SLC36A1: variants seen among roughly 807,000 people sequenced by gnomAD.
The protein encoded by SLC36A1 is proton-coupled amino acid transporter 1.
SLC36A1 carries 30 observed loss-of-function variants against 47.5 expected under a neutral mutation model. The observed-to-expected ratio is 0.63, with a 90% CI of 0.47 to 0.86. The LOEUF (loss-of-function observed/expected upper bound fraction) is 0.86, where lower values mean the gene tolerates loss of function less well. SLC36A1 is among the 40% of genes least tolerant of loss of function. The pLI is 0.00. For synonymous variants in SLC36A1, 255 were observed against 249.7 expected (o/e 1.02, Z -0.20); for missense variants, 517 against 606.0 (o/e 0.85, Z 1.54).
At chr5:151,553,251 G>A in the SLC36A1 span, 70 of 1,614,128 alleles carry the variant, frequency 4.3e-5, 1 homozygote, top group South Asian at 3.3e-4. Context: ...CACAGGGTCC[G>A]TCTCCATGAC....
chr5:151,437,275 C>T (rs1020487049), intron 1 of SLC36A1: 2 of 152,184 alleles, frequency 1.3e-5, no homozygotes, highest in Non-Finnish European at 1.5e-5. Flanking sequence ...GCCCAATAAG[C>T]TCTTGAAGTT....
the SLC36A1 span, among the ~76,000 whole-genome samples, chr5:151,553,747 GCACT>G: frequency 2.0e-5 from 3 of 152,206 alleles, no homozygotes; most frequent in Non-Finnish European, 4.4e-5. Context: ...AATTTATTGA[GCACT>G]CACTATTATC....
chr5:151,555,119 CAGAGTG>C, the SLC36A1 span, among the ~76,000 whole-genome samples: 2 of 152,136 alleles, frequency 1.3e-5, no homozygotes, highest in African/African-American at 4.8e-5. Context: ...CAATGAAATC[CAGAGTG>C]AGAAAAGGCC....
At chr5:151,466,128 TG>T (rs1278378917) in intron 5 of SLC36A1, among the ~76,000 whole-genome samples, 1 of 152,200 alleles carries the variant, frequency 6.6e-6, no homozygotes, top group African/African-American at 2.4e-5. Context: ...CACCATGAGT[TG>T]GGTGGTTGTT....
chr5:151,444,208 C>T (rs191179667), upstream of SLC36A1, among the ~76,000 whole-genome samples: 220 of 152,118 alleles, frequency 1.4e-3, 1 homozygote, highest in African/African-American at 5.2e-3. Flanking sequence ...TAAAGAATGC[C>T]GTTGGGATTT....
chr5:151,464,539 T>C lies in SLC36A1; in HGVS notation c.260T>C (p.Ile87Thr), dbSNP rs1756051632. The change falls in exon 4 of 11, where the codon ATA (isoleucine) becomes ACA (threonine). Residue 87 changes from isoleucine (I) to threonine (T), a missense_variant. Transcript: ENST00000243389. ...IVMGPISLLI[I>T]GIVAVHCMGI... is the part of the protein sequence containing the mutation. ...ATGGGTCCCATCAGCCTGCTGATCATAGGCATCGTGGCCGTGCACTGCATG... is the reference window on the plus strand; with the variant it reads ...ATGGGTCCCATCAGCCTGCTGATCACAGGCATCGTGGCCGTGCACTGCATG... 3 of 1,614,098 alleles carry C rather than the reference T, an allele frequency of 1.9e-6. No homozygotes were observed. Among genetic ancestry groups the C allele is most frequent in the African/African-American group, 1.3e-5 (1 of 75,054 alleles).
At chr5:151,424,002 A>T in the SLC36A1 span, among the ~76,000 whole-genome samples, 1 of 152,240 alleles carries the variant, frequency 6.6e-6, no homozygotes, top group Non-Finnish European at 1.5e-5. Flanking sequence ...AACCTTGAAT[A>T]TTTAAGAAAT....
chr5:151,473,424 C>G (rs1757601754), intron 7 of SLC36A1, among the ~76,000 whole-genome samples: 1 of 151,940 alleles, frequency 6.6e-6, no homozygotes, highest in Non-Finnish European at 1.5e-5. Flanking sequence ...TTATGCAAGC[C>G]CCAACATTTG....
the SLC36A1 span, among the ~76,000 whole-genome samples, chr5:151,375,452 G>A: frequency 6.6e-6 from 1 of 152,108 alleles, no homozygotes; most frequent in African/African-American, 2.4e-5. Flanking sequence ...ATGCTGTTTT[G>A]GTTACTATAG....
At chr5:151,507,591 C>A in the SLC36A1 span, 75 of 1,605,358 alleles carry the variant, frequency 4.7e-5, no homozygotes, top group Non-Finnish European at 5.7e-5. Context: ...TTCTGAACAA[C>A]CCCTCGCCTC....
chr5:151,533,734 TACAC>T, the SLC36A1 span, among the ~76,000 whole-genome samples: 1 of 151,808 alleles, frequency 6.6e-6, no homozygotes, highest in South Asian at 2.1e-4. Flanking sequence ...TATATATACA[TACAC>T]ACATACATAT....
chr5:151,367,947 C>T, the SLC36A1 span, among the ~76,000 whole-genome samples: 1 of 152,196 alleles, frequency 6.6e-6, no homozygotes, highest in African/African-American at 2.4e-5. Flanking sequence ...AAAAATCCAA[C>T]ATGTGTCCTT....
At chr5:151,441,383 G>A (rs1437118209) in intron 1 of SLC36A1, among the ~76,000 whole-genome samples, 1 of 152,178 alleles carries the variant, frequency 6.6e-6, no homozygotes, top group African/African-American at 2.4e-5. Flanking sequence ...TGTATTTAAT[G>A]TATGTTAATA....
the SLC36A1 span, among the ~76,000 whole-genome samples, chr5:151,542,117 C>G: frequency 1.3e-5 from 2 of 152,214 alleles, no homozygotes; most frequent in African/African-American, 4.8e-5. Flanking sequence ...TGAGAACATG[C>G]ATGCCAAGTC....
chr5:151,431,661 A>T, the SLC36A1 span, among the ~76,000 whole-genome samples: 1 of 152,190 alleles, frequency 6.6e-6, no homozygotes, highest in South Asian at 2.1e-4. Flanking sequence ...TAAAAAAGGG[A>T]GTCTCCCTGC....
the SLC36A1 span, among the ~76,000 whole-genome samples, chr5:151,499,950 AAAGTTGCTGTGCCACTCTT>A: frequency 6.6e-6 from 1 of 152,018 alleles, no homozygotes; most frequent in Non-Finnish European, 1.5e-5. Flanking sequence ...AGCGATGCTC[AAAGTTGCTGTGCCACTCTT>A]AAGGTCCAGC....
At chr5:151,545,655 A>C in the SLC36A1 span, 1 of 1,614,206 alleles carries the variant, frequency 6.2e-7, no homozygotes, top group Non-Finnish European at 8.5e-7. Context: ...TCTCTGATAC[A>C]ATGGTTAGGG....
chr5:151,504,352 G>C, the SLC36A1 span: 1 of 152,680 alleles, frequency 6.5e-6, no homozygotes, highest in Admixed American at 6.5e-5. Context: ...GGAGTGGTGA[G>C]GTCACCAAAG....
chr5:151,436,513 T>A (rs556397773), upstream of SLC36A1, among the ~76,000 whole-genome samples: 1 of 152,010 alleles, frequency 6.6e-6, no homozygotes, highest in South Asian at 2.1e-4. Context: ...CACAACCATA[T>A]GGCAAATTGT....
Sources: allele counts gnomAD v4.1 joint callset (sites outside exome capture counted in the v4.1 genomes callset), GRCh38; gene constraint gnomAD v4.1.1; transcripts MANE v1.5; gene names NCBI Gene and HGNC (gene_info 2026-07-23, HGNC 2026-07-21).